PTP4A1: variants seen among roughly 807,000 people sequenced by gnomAD.
The protein encoded by PTP4A1 is protein tyrosine phosphatase type IVA 1.
A neutral mutation model predicts 20.5 loss-of-function variants in PTP4A1; 9 were observed. That is an observed-to-expected ratio of 0.44 (90% CI 0.26 to 0.77). PTP4A1 has a LOEUF of 0.77. Ranked by LOEUF, PTP4A1 falls within the 30% of genes least tolerant of loss-of-function variation. The pLI is 0.19. For missense variants in PTP4A1, 137 were observed against 218.8 expected (o/e 0.63, Z 2.36); for synonymous variants, 78 against 67.4 (o/e 1.16, Z -0.77).
chr6:63,536,038 A>G (rs927689953), intron 2 of PTP4A1, among the ~76,000 whole-genome samples: 39 of 150,838 alleles, frequency 2.6e-4, no homozygotes, highest in African/African-American at 9.2e-4. Context: ...CTCCCAAAGT[A>G]CTGGGTTTAC....
chr6:63,544,344 TTCTC>T (rs1299937801), intron 2 of PTP4A1, among the ~76,000 whole-genome samples: 9 of 152,218 alleles, frequency 5.9e-5, no homozygotes, highest in Non-Finnish European at 1.2e-4. Flanking sequence ...CATTATTTCT[TTCTC>T]TATACTGTTT....
chr6:63,553,136 C>T (rs1224695751), intron 3 of PTP4A1, among the ~76,000 whole-genome samples: 1 of 152,116 alleles, frequency 6.6e-6, no homozygotes, highest in African/African-American at 2.4e-5. Context: ...ACCAGTTTTT[C>T]CTCCAAAGTA....
intron 1 of PTP4A1, among the ~76,000 whole-genome samples, chr6:63,522,500 A>T (rs1371477752): frequency 1.3e-5 from 2 of 152,250 alleles, no homozygotes; most frequent in Non-Finnish European, 2.9e-5. Context: ...GACTGTATCC[A>T]TGACAAGCTT....
intron 2 of PTP4A1, among the ~76,000 whole-genome samples, chr6:63,529,240 A>G (rs936582557): frequency 6.7e-6 from 1 of 149,874 alleles, no homozygotes; most frequent in African/African-American, 2.5e-5. Flanking sequence ...CAGAACTTTC[A>G]TATAATTTAG....
In PTP4A1 at chr6:63,580,278, T is replaced by C. The variant is rs1458098386; in HGVS notation, c.*104T>C. The C allele has an allele frequency of 5.3e-6, 5 of 946,988 alleles. No individual in the cohort carries two copies. Among genetic ancestry groups the C allele is most frequent in the Admixed American group, 2.0e-5 (1 of 49,108 alleles). 58.7% of individuals were successfully genotyped at this position (946,988 alleles called of 1,614,324 possible). On this transcript the variant is annotated 3_prime_UTR_variant, in exon 6 of 6. Coordinates refer to ENST00000626021, the MANE Select transcript of PTP4A1 (RefSeq NM_003463.5). ...CTTAGTAAGTCTAATGAAGCTTCCA[T>C]AGGAGTATTGAAAGGCAGTTTTACC...
In PTP4A1 at chr6:63,580,448, T is replaced by C. The variant is rs1778155365; in HGVS notation, c.*274T>C. On this transcript the variant is annotated 3_prime_UTR_variant, in exon 6 of 6. Transcript: ENST00000626021. ...TGACCTTTCCCCAAATCATGCAGTATTGAGTTATGACTTGTTAAATCTATT... is the reference window on the plus strand; with the variant it reads ...TGACCTTTCCCCAAATCATGCAGTACTGAGTTATGACTTGTTAAATCTATT... 6.0e-6 allele frequency: 2 copies of C among 332,342 alleles called. No homozygotes were observed. Among genetic ancestry groups the C allele is most frequent in the Middle Eastern group, 8.9e-4 (1 of 1,126 alleles). 20.6% of individuals were successfully genotyped at this position (332,342 alleles called of 1,614,324 possible).
At chr6:63,541,394 A>C (rs1469277196) in intron 2 of PTP4A1, among the ~76,000 whole-genome samples, 1 of 151,990 alleles carries the variant, frequency 6.6e-6, no homozygotes, top group Non-Finnish European at 1.5e-5. Flanking sequence ...TCTACTAAAA[A>C]AACAAAAAAA....
At chr6:63,563,830 G>C (rs1189323379) in intron 3 of PTP4A1, among the ~76,000 whole-genome samples, 1 of 152,170 alleles carries the variant, frequency 6.6e-6, no homozygotes, top group African/African-American at 2.4e-5. Context: ...GGGATTGAGA[G>C]ACTAAGAACC....
chr6:63,551,646 C>T (rs950854061), intron 3 of PTP4A1, among the ~76,000 whole-genome samples: 9 of 151,978 alleles, frequency 5.9e-5, no homozygotes, highest in South Asian at 2.1e-4. Context: ...ATTAACTTGT[C>T]GTTTACATTA....
In PTP4A1 at chr6:63,572,571, C is replaced by T. The variant is rs1156506098; in HGVS notation, c.-594C>T. On this transcript the variant is annotated 5_prime_UTR_variant, in exon 1 of 6. Transcript: ENST00000626021. ...CTCACTGCATGGTAGAGTCTGGTGCCCCCGCCGCCGCCTGCATCGCCGCCA... is the reference window on the plus strand; with the variant it reads ...CTCACTGCATGGTAGAGTCTGGTGCTCCCGCCGCCGCCTGCATCGCCGCCA... The T allele has an allele frequency of 7.3e-6, 3 of 413,558 alleles. No homozygotes were observed. The highest frequency in any genetic ancestry group is 3.5e-5 in the East Asian group (1 of 28,418). 25.6% of individuals were successfully genotyped at this position (413,558 alleles called of 1,614,324 possible).
Position 63,576,780 on chromosome 6 carries a change from T to G in PTP4A1, c.-101T>G. The G allele has an allele frequency of 2.3e-6, 2 of 859,504 alleles. No homozygotes were observed. Among genetic ancestry groups the G allele is most frequent in the East Asian group, 5.2e-5 (2 of 38,828 alleles). The allele number at this position is 859,504 out of a possible 1,614,324, so 53.2% of individuals were successfully genotyped here. A position where few individuals can be genotyped will look rare whatever the true frequency, so the allele number is the denominator to read the frequency against. On this transcript the variant is annotated 5_prime_UTR_variant, in exon 2 of 6. Transcript: ENST00000626021. ...TACTCAAAGCACTGAGAATTTCAAG[T>G]GGAGTATATTGAAGTAGACTTCAGT...
At chr6:63,527,351 A>C (rs1322159199) in intron 1 of PTP4A1, among the ~76,000 whole-genome samples, 1 of 152,174 alleles carries the variant, frequency 6.6e-6, no homozygotes, top group Non-Finnish European at 1.5e-5. Flanking sequence ...TCGTATCACC[A>C]CAGTAACCCA....
At chr6:63,525,829 A>C (rs1340870857) in intron 1 of PTP4A1, among the ~76,000 whole-genome samples, 5 of 152,180 alleles carry the variant, frequency 3.3e-5, no homozygotes, top group Non-Finnish European at 4.4e-5. Context: ...ATCTCTTAAA[A>C]TAGTTGGTGT....
At chr6:63,559,163 GT>G (rs1189927680) in intron 3 of PTP4A1, among the ~76,000 whole-genome samples, 2 of 152,100 alleles carry the variant, frequency 1.3e-5, no homozygotes, top group African/African-American at 4.8e-5. Context: ...ACCAAAATCA[GT>G]TCATATTTAC....
Position 63,581,447 on chromosome 6 carries a change from T to C in PTP4A1, c.*1273T>C, listed in dbSNP as rs1435463991. 1 of 152,606 alleles carries C rather than the reference T, an allele frequency of 6.6e-6. No homozygotes were observed. The allele number at this position is 152,606 out of a possible 1,614,324, so 9.5% of individuals were successfully genotyped here. On this transcript the variant is annotated 3_prime_UTR_variant, in exon 6 of 6. Coordinates refer to ENST00000626021, the MANE Select transcript of PTP4A1 (RefSeq NM_003463.5). ...ACATCTAAATAAATAATGACATGCA[T>C]TTATCATCATTGAGATTGGTTTGCT... is the stretch of plus-strand genomic sequence containing the variant.
intron 3 of PTP4A1, among the ~76,000 whole-genome samples, chr6:63,552,566 T>C (rs1776499557): frequency 6.6e-6 from 1 of 152,200 alleles, no homozygotes; most frequent in African/African-American, 2.4e-5. Flanking sequence ...ATTTTGGCTT[T>C]TGTTGCCATT....
chr6:63,564,763 G>T (rs1370067881), intron 3 of PTP4A1, among the ~76,000 whole-genome samples: 1 of 152,096 alleles, frequency 6.6e-6, no homozygotes, highest in Non-Finnish European at 1.5e-5. Flanking sequence ...GGAGACTGTG[G>T]CCTTCCTGAT....
chr6:63,551,540 A>AT (rs930439317), intron 3 of PTP4A1, among the ~76,000 whole-genome samples: 6 of 151,822 alleles, frequency 4.0e-5, no homozygotes, highest in Non-Finnish European at 8.8e-5. Flanking sequence ...TATTAAGTTC[A>AT]TTTTTTTTAA....
At chr6:63,534,054 G>A (rs1027632371) in intron 2 of PTP4A1, among the ~76,000 whole-genome samples, 1 of 151,916 alleles carries the variant, frequency 6.6e-6, no homozygotes, top group Non-Finnish European at 1.5e-5. Flanking sequence ...ATTTTGGCAG[G>A]CTAGTCTAGA....
Sources: gnomAD v4.1 joint callset for allele counts (sites outside exome capture counted in the v4.1 genomes callset) on GRCh38, gnomAD v4.1.1 for gene constraint, MANE v1.5 for transcripts, NCBI Gene and HGNC (gene_info 2026-07-23, HGNC 2026-07-21) for gene names.